The following MERTK variants were observed in gnomAD, a reference collection of about 807,000 sequenced individuals.
MERTK encodes the protein tyrosine-protein kinase Mer.
Under a neutral mutation model 99.3 loss-of-function variants are expected in MERTK, and 69 were observed. That is an observed-to-expected ratio of 0.70 (90% CI 0.57 to 0.85). The LOEUF (loss-of-function observed/expected upper bound fraction) is 0.85. MERTK is among the 40% of genes least tolerant of loss of function. The pLI is 0.00. For missense variants in MERTK, 1,125 were observed against 1,249.4 expected, an observed-to-expected ratio of 0.90 and a Z score of 1.50; for synonymous variants, 426 against 467.6, an observed-to-expected ratio of 0.91 and a Z score of 1.15.
Position 112,003,882 on chromosome 2 carries a change from CAGGTGTTCT to C in MERTK, c.1787-21_1787-13del. The C allele has an allele frequency of 6.3e-7, 1 of 1,583,558 alleles. No homozygotes were observed. The highest frequency in any genetic ancestry group is 1.1e-5 in the South Asian group (1 of 90,404). ...GGGAAGAGTTTGCACAGTGTCCATACAGGTGTTCTTTCACTTCACAGGAGAGTTTGGGTC... is the reference window on the plus strand; with the variant it reads ...GGGAAGAGTTTGCACAGTGTCCATACTTCACTTCACAGGAGAGTTTGGGTC... On this transcript the variant is annotated splice_polypyrimidine_tract_variant and intron_variant, in intron 12 of 18. Transcript: ENST00000295408.
At chr2:111,925,463 G>A (rs886875611) in intron 1 of MERTK, among the ~76,000 whole-genome samples, 1 of 149,690 alleles carries the variant, frequency 6.7e-6, no homozygotes, top group Non-Finnish European at 1.5e-5. Context: ...CACTACGCTT[G>A]GCTAAATTTT....
chr2:111,987,537 T>A (rs13394651), intron 8 of MERTK, among the ~76,000 whole-genome samples: 94,032 of 152,018 alleles, frequency 0.62, 29,470 homozygotes, highest in Middle Eastern at 0.69. Context: ...TGTGGCACTA[T>A]GGATTTGATG....
At chr2:111,974,188 A>G (rs1676187812) in intron 6 of MERTK, among the ~76,000 whole-genome samples, 1 of 148,448 alleles carries the variant, frequency 6.7e-6, no homozygotes, top group South Asian at 2.2e-4. Context: ...CAGGAGTTCA[A>G]GACCAGCCTG....
Position 111,997,386 on chromosome 2 carries a change from T to G in MERTK, c.1514T>G (p.Ile505Ser), listed in dbSNP as rs748932248. The stretch of plus-strand genomic sequence containing the variant: ...GGCAACGCAGATCCTGTGCTCATCA[T>G]CTTTGGCTGCTTTTGTGGATTTATT... ...APGNADPVLI[I>S]FGCFCGFILI... Residue 505 changes from isoleucine (I) to serine (S), a missense_variant, in exon 10 of 19, where the codon ATC becomes AGC. Ile to Ser is a moderately radical substitution (Grantham distance 142, BLOSUM62 -2). Transcript: ENST00000295408. The G allele has an allele frequency of 6.2e-7, 1 of 1,614,100 alleles. No individual in the cohort carries two copies. The highest frequency in any genetic ancestry group is 8.5e-7 in the Non-Finnish European group (1 of 1,180,026).
At chr2:111,989,513 G>A (rs191233119) in intron 8 of MERTK, among the ~76,000 whole-genome samples, 1,876 of 152,048 alleles carry the variant, frequency 0.012, 41 homozygotes, top group African/African-American at 0.043. Context: ...CCGCCACCAC[G>A]CCCGGCTAAT....
intron 4 of MERTK, among the ~76,000 whole-genome samples, chr2:111,954,188 C>T (rs188907520): frequency 2.8e-4 from 42 of 152,358 alleles, no homozygotes; most frequent in South Asian, 8.3e-4. Context: ...AACTTTCCCA[C>T]GGTCTCCGCC....
intron 1 of MERTK, among the ~76,000 whole-genome samples, chr2:111,904,626 G>A (rs537525162): frequency 6.6e-6 from 1 of 152,148 alleles, no homozygotes; most frequent in Non-Finnish European, 1.5e-5. Flanking sequence ...CACCCACCTC[G>A]GCCTCTCAAA....
intron 7 of MERTK, among the ~76,000 whole-genome samples, chr2:111,977,560 T>G (rs1165126970): frequency 1.3e-5 from 2 of 152,140 alleles, no homozygotes; most frequent in Non-Finnish European, 2.9e-5. Flanking sequence ...GTGTTTGGAG[T>G]TTATTGAACT....
Position 112,021,416 on chromosome 2 carries a change from C to G in MERTK, c.2190-6C>G. On this transcript the variant is annotated splice_polypyrimidine_tract_variant and splice_region_variant and intron_variant, in intron 16 of 18. Coordinates refer to ENST00000295408, the MANE Select transcript of MERTK (RefSeq NM_006343.3). ...CGCTGCTGAAGACGTAACCTGCTCT[C>G]TGTAGGTTGCGAGATGACATGACTG... The G allele has an allele frequency of 6.2e-7, 1 of 1,612,952 alleles. No homozygotes were observed. Among genetic ancestry groups the G allele is most frequent in the Non-Finnish European group, 8.5e-7 (1 of 1,179,854 alleles).
intron 4 of MERTK, among the ~76,000 whole-genome samples, chr2:111,963,758 T>C (rs1188901202): frequency 6.6e-6 from 1 of 151,974 alleles, no homozygotes; most frequent in Non-Finnish European, 1.5e-5. Context: ...CTATGTCTAC[T>C]TCTTTCTACA....
rs140338136 is a variant in MERTK, at chr2:112,012,966, T to C, written c.2079+2900T>C. Among the ~76,000 whole-genome samples the C allele has an allele frequency of 1.9e-3, 296 of 152,300 alleles. 1 individual carries two copies. The highest frequency in any genetic ancestry group is 3.4e-3 in the Middle Eastern group (1 of 292). ...ACATGCTGGAGCCTCCTTTTCCACT[T>C]CCAGCTGACGTTGTTGGTATCTTAC... On this transcript the variant is annotated intron_variant, in intron 15 of 18. Coordinates refer to ENST00000295408, the MANE Select transcript of MERTK (RefSeq NM_006343.3).
chr2:112,007,863 TTG>T, intron 13 of MERTK, among the ~76,000 whole-genome samples: 2 of 152,164 alleles, frequency 1.3e-5, no homozygotes, highest in African/African-American at 4.8e-5. Context: ...GGTTTTTTTT[TTG>T]GAATTTTTTT....
In MERTK at chr2:111,996,799, TAGAA is replaced by T. The variant is rs576176586; in HGVS notation, c.1451-521_1451-518del. 3.2e-3 allele frequency: 580 copies of T among 179,608 alleles called. 2 individuals are homozygous for T. Among genetic ancestry groups the T allele is most frequent in the African/African-American group, 0.013 (549 of 41,772 alleles). The allele number at this position is 179,608 out of a possible 1,614,324, so 11.1% of individuals were successfully genotyped here. A position where few individuals can be genotyped will look rare whatever the true frequency, so the allele number is the denominator to read the frequency against. On this transcript the variant is annotated intron_variant, in intron 9 of 18. Transcript: ENST00000295408. ...AAAACATTAGCAGTCGATCCAAACT[TAGAA>T]AGGAATGTGACAATTCTTCAAAACA...
chr2:111,974,797 GAAAAGA>G (rs1453039182), intron 6 of MERTK, among the ~76,000 whole-genome samples: 1,869 of 120,896 alleles, frequency 0.015, 11 homozygotes, highest in Non-Finnish European at 0.026. Context: ...AAAAAAGAAA[GAAAAGA>G]AAAGAAAAGA....
intron 1 of MERTK, among the ~76,000 whole-genome samples, chr2:111,926,877 G>T (rs1684578211): frequency 6.6e-6 from 1 of 152,234 alleles, no homozygotes; most frequent in Non-Finnish European, 1.5e-5. Flanking sequence ...CCTACCAAGA[G>T]CATAGGTCCA....
intron 4 of MERTK, among the ~76,000 whole-genome samples, chr2:111,958,657 GTT>G (rs1573600465): frequency 6.6e-6 from 1 of 152,086 alleles, no homozygotes; most frequent in African/African-American, 2.4e-5. Context: ...GCTATAGATT[GTT>G]TTTTTGACCT....
chr2:111,959,976 C>A (rs1349316551), intron 4 of MERTK, among the ~76,000 whole-genome samples: 2 of 152,146 alleles, frequency 1.3e-5, no homozygotes, highest in Non-Finnish European at 2.9e-5. Flanking sequence ...TATCATATAG[C>A]CTCTGGGAAA....
At chr2:111,944,868 G>A in intron 2 of MERTK, 92 bp from the exon 3 acceptor site, 3 of 1,053,276 alleles carry the variant, frequency 2.8e-6, no homozygotes, top group East Asian at 2.5e-5. Context: ...AACTATCACA[G>A]CATATGACAA....
chr2:111,997,181 A>G (rs1431598608), intron 9 of MERTK, 142 bp from the exon 10 acceptor site: 1 of 993,772 alleles, frequency 1.0e-6, no homozygotes, highest in South Asian at 1.3e-5. Context: ...CTCAGCTTAC[A>G]CAAAGTGAGA....
Sources: allele counts gnomAD v4.1 joint callset (sites outside exome capture counted in the v4.1 genomes callset), GRCh38; gene constraint gnomAD v4.1.1; transcripts MANE v1.5; gene names NCBI Gene and HGNC (gene_info 2026-07-23, HGNC 2026-07-21).